The following KHK variants were observed in gnomAD, a reference collection of about 807,000 sequenced individuals.
KHK encodes the protein ketohexokinase.
Under a neutral mutation model 36.0 loss-of-function variants are expected in KHK, and 37 were observed. The ratio of observed to expected loss-of-function variants is 1.03; its 90% confidence interval spans 0.79 to 1.35. The LOEUF (loss-of-function observed/expected upper bound fraction) is 1.35, where lower values mean the gene tolerates loss of function less well. Ranked by LOEUF, KHK falls within the 40% of genes most tolerant of loss-of-function variation. The pLI is 0.00. For missense variants in KHK, 395 were observed against 391.9 expected (o/e 1.01, Z -0.07); for synonymous variants, 161 against 162.8 (o/e 0.99, Z 0.08).
At position 27,094,934 on chromosome 2, in the gene KHK, C is replaced by T. The variant is rs1140588; in HGVS notation, c.344C>T (p.Thr115Met). The part of the protein sequence containing the change: ...NGNRTIVLHD[T>M]SLPDVSATDF... ...AACCGTACCATTGTGCTCCATGACA[C>T]GTAAGGCCCCCGGGCCTCGCCCTGC... Residue 115 changes from threonine (T) to methionine (M), a missense_variant and splice_region_variant, in exon 3 of 8, where the codon ACG (threonine) becomes ATG (methionine). Transcript: ENST00000260598. 3.4e-5 allele frequency: 55 copies of T among 1,613,724 alleles called. No individual in the cohort carries two copies. The highest frequency in any genetic ancestry group is 1.6e-4 in the Middle Eastern group (1 of 6,084).
chr2:27,094,811 C>G lies in KHK; in HGVS notation c.221C>G (p.Ala74Gly), dbSNP rs779523527. ...APGHVADFLVADFRRRGVDVS... is the reference protein window; with the variant it reads ...APGHVADFLVGDFRRRGVDVS... ...GCCTCCACCCTAAGCTTCCTGGTGG[C>G]CGACTTCAGGCGGCGGGGCGTGGAC... The change falls in exon 3 of 8, where the codon GCC becomes GGC. Residue 74 changes from alanine to glycine, a missense_variant. Physicochemically the swap from Ala to Gly is moderately conservative, Grantham distance 60 (BLOSUM62 0). Transcript: ENST00000260598. 2.5e-6 allele frequency: 4 copies of G among 1,614,040 alleles called. No homozygotes were observed.
Position 27,092,467 on chromosome 2 carries a change from GC to G in KHK, c.209+22del. On this transcript the variant is annotated intron_variant, in intron 2 of 7. Transcript: ENST00000260598. ...TTGCTGAGTAAGTCCAGGAGGGAGAGCCCACTGGGGAAGGCCTGCCTGCATC... is the reference window on the plus strand; with the variant it reads ...TTGCTGAGTAAGTCCAGGAGGGAGAGCCACTGGGGAAGGCCTGCCTGCATC... 6.4e-7 allele frequency: 1 copy of G among 1,556,778 alleles called. No individual in the cohort carries two copies. Among genetic ancestry groups the G allele is most frequent in the Non-Finnish European group, 8.9e-7 (1 of 1,129,790 alleles).
chr2:27,088,391 G>A (rs553031627), intron 1 of KHK, among the ~76,000 whole-genome samples: 1 of 152,166 alleles, frequency 6.6e-6, no homozygotes, highest in East Asian at 1.9e-4. Flanking sequence ...ACAGGCATGA[G>A]CCACTGCACC....
At position 27,092,338 on chromosome 2, in the gene KHK, G is replaced by A. The variant is rs1670060583; in HGVS notation, c.99G>A (p.Leu33=). Residue 33 remains leucine (L), a synonymous_variant, in exon 2 of 8, where the codon TTG becomes TTA. Coordinates refer to ENST00000260598, the MANE Select transcript of KHK (RefSeq NM_006488.3). ...YPKEDSEIRC[L]SQRWQRGGNA... Reference sequence around the variant, plus strand: ...CCCTCCCTGTGCTTTGCAGGTGTTTGTCCCAGAGATGGCAGCGCGGAGGCA... The same window carrying A: ...CCCTCCCTGTGCTTTGCAGGTGTTTATCCCAGAGATGGCAGCGCGGAGGCA... 3 of 1,612,626 alleles carry A rather than the reference G, an allele frequency of 1.9e-6. No individual in the cohort carries two copies. Among genetic ancestry groups the A allele is most frequent in the African/African-American group, 2.7e-5 (2 of 75,052 alleles).
rs368339185 is a variant in KHK, at chr2:27,087,381, C to T, written c.92+30C>T. 214 of 1,486,390 alleles carry T rather than the reference C, an allele frequency of 1.4e-4. 1 individual carries two copies. In the African/African-American group the frequency reaches 2.3e-3, roughly 16 times the overall value. 92.1% of individuals were successfully genotyped at this position (1,486,390 alleles called of 1,614,324 possible). ...GGGCGCCCAGGTCCCCTAGGGGACCCCAGGGGCTGCTGCAGTCCAGCATTT... is the reference window on the plus strand; with the variant it reads ...GGGCGCCCAGGTCCCCTAGGGGACCTCAGGGGCTGCTGCAGTCCAGCATTT... On this transcript the variant is annotated intron_variant, in intron 1 of 7. Coordinates refer to ENST00000260598, the MANE Select transcript of KHK (RefSeq NM_006488.3).
intron 5 of KHK, among the ~76,000 whole-genome samples, chr2:27,098,475 CAAAAA>C (rs78116764): frequency 1.0e-5 from 1 of 97,214 alleles, no homozygotes. Context: ...TGTCTCTATA[CAAAAA>C]AAAAAAAAAA....
At chr2:27,095,507 C>T (rs866131532) in intron 3 of KHK, among the ~76,000 whole-genome samples, 19 of 152,228 alleles carry the variant, frequency 1.2e-4, no homozygotes, top group African/African-American at 4.6e-4. Context: ...ATGGGGTCAG[C>T]AGATCAGGGT....
chr2:27,098,345 A>AC (rs1296773149), intron 5 of KHK, among the ~76,000 whole-genome samples: 16 of 151,728 alleles, frequency 1.1e-4, no homozygotes, highest in Non-Finnish European at 1.3e-4. Flanking sequence ...ACATAGCAAG[A>AC]CCCCTGTCTC....
Position 27,087,305 on chromosome 2 carries a change from G to T in KHK, c.46G>T (p.Val16Phe). ...GTGCGTGGGGCTAGTGGTGCTGGAC[G>T]TCATCAGCCTGGTGGACAAGTACCC... ...ILCVGLVVLD[V>F]ISLVDKYPKE... Residue 16 changes from valine to phenylalanine, a missense_variant, in exon 1 of 8, where the codon GTC becomes TTC. Coordinates refer to ENST00000260598, the MANE Select transcript of KHK (RefSeq NM_006488.3). The T allele has an allele frequency of 6.2e-7, 1 of 1,601,454 alleles. No homozygotes were observed. The highest frequency in any genetic ancestry group is 1.7e-5 in the Admixed American group (1 of 58,510).
Position 27,099,658 on chromosome 2 carries a change from C to A in KHK, c.812-7C>A. 6.2e-7 allele frequency: 1 copy of A among 1,614,170 alleles called. No individual in the cohort carries two copies. The highest frequency in any genetic ancestry group is 8.5e-7 in the Non-Finnish European group (1 of 1,180,032). On this transcript the variant is annotated splice_region_variant and splice_polypyrimidine_tract_variant and intron_variant, in intron 7 of 7. Transcript: ENST00000260598. ...CTGGCTGACCTAGCTACTTGCCCCT[C>A]CTCCAGGGAGGAGCGTGCAGGAAGC...
rs760879948 is a variant in KHK, at chr2:27,099,859, C to T, written c.*109C>T. ...GGTTGCCCTGTTCAGGGGACAGATG[C>T]AAGCTGTGGGGAGGACTCTGCCTGT... On this transcript the variant is annotated 3_prime_UTR_variant, in exon 8 of 8. Transcript: ENST00000260598. The T allele has an allele frequency of 1.9e-6, 3 of 1,551,872 alleles. No individual in the cohort carries two copies. Among genetic ancestry groups the T allele is most frequent in the Non-Finnish European group, 2.6e-6 (3 of 1,147,980 alleles).
At chr2:27,097,393 C>T in intron 4 of KHK, 110 bp from the exon 5 acceptor site, 1 of 1,436,834 alleles carries the variant, frequency 7.0e-7, no homozygotes, top group Non-Finnish European at 9.6e-7. Context: ...TCTAGCCCAG[C>T]CTCCCCGAGG....
chr2:27,093,997 G>C (rs1481875579), intron 2 of KHK, among the ~76,000 whole-genome samples: 2 of 152,170 alleles, frequency 1.3e-5, no homozygotes, highest in African/African-American at 4.8e-5. Flanking sequence ...CATTAGGACT[G>C]GGAGGGACTG....
intron 2 of KHK, chr2:27,094,505 T>A: frequency 6.2e-7 from 1 of 1,614,060 alleles, no homozygotes; most frequent in African/African-American, 1.3e-5. Flanking sequence ...CCGCCGCTAT[T>A]CTGTGGACCT....
chr2:27,095,329 G>A (rs1320549840), intron 3 of KHK, among the ~76,000 whole-genome samples: 1 of 152,132 alleles, frequency 6.6e-6, no homozygotes, highest in Non-Finnish European at 1.5e-5. Flanking sequence ...CTGTGGGGGG[G>A]TGCCCACTGG....
intron 1 of KHK, 23 bp from the exon 2 acceptor site, chr2:27,092,309 G>A: frequency 6.3e-7 from 1 of 1,591,484 alleles, no homozygotes; most frequent in East Asian, 2.2e-5. Flanking sequence ...TGGGGCTGCA[G>A]GGACCCTCCC....
At position 27,099,789 on chromosome 2, in the gene KHK, A is replaced by C; in HGVS notation, c.*39A>C. The C allele has an allele frequency of 6.2e-7, 1 of 1,606,302 alleles. No individual in the cohort carries two copies. The highest frequency in any genetic ancestry group is 8.5e-7 in the Non-Finnish European group (1 of 1,176,532). On this transcript the variant is annotated 3_prime_UTR_variant, in exon 8 of 8. Coordinates refer to ENST00000260598, the MANE Select transcript of KHK (RefSeq NM_006488.3). Reference sequence around the variant, plus strand: ...CTCCTCACACACCATGGAGACTACCATTGCGGCTGCATCGCCTTCTCCCCT... The same window carrying C: ...CTCCTCACACACCATGGAGACTACCCTTGCGGCTGCATCGCCTTCTCCCCT...
rs1572874946 is a variant in KHK at position 27,097,656 on chromosome 2, G to T, written c.564+7G>T. The T allele has an allele frequency of 1.2e-6, 2 of 1,613,666 alleles. No homozygotes were observed. Among genetic ancestry groups the T allele is most frequent in the Non-Finnish European group, 1.7e-6 (2 of 1,180,028 alleles). ...GTTTGGCTACGGAGACGTGGTGGGT[G>T]CCCCATTCAGCCTCTCTTTGCCACT... On this transcript the variant is annotated splice_region_variant and intron_variant, in intron 5 of 7. Coordinates refer to ENST00000260598, the MANE Select transcript of KHK (RefSeq NM_006488.3).
At chr2:27,096,586 T>G in intron 3 of KHK, 143 bp from the exon 4 acceptor site, 1 of 749,438 alleles carries the variant, frequency 1.3e-6, no homozygotes, top group South Asian at 1.4e-5. Flanking sequence ...GAGCTGAGCC[T>G]GAGAATCCTG....
Sources: allele counts gnomAD v4.1 joint callset (sites outside exome capture counted in the v4.1 genomes callset), GRCh38; gene constraint gnomAD v4.1.1; transcripts MANE v1.5; gene names NCBI Gene and HGNC (gene_info 2026-07-23, HGNC 2026-07-21).